GALNT13: variants seen among roughly 807,000 people sequenced by gnomAD.
GALNT13 encodes the protein UDP-GalNAc:polypeptide N-acetylgalactosaminyltransferase 13.
GALNT13 carries 28 observed loss-of-function variants against 64.2 expected under a neutral mutation model. That is an observed-to-expected ratio of 0.44 (90% CI 0.32 to 0.60). The LOEUF (loss-of-function observed/expected upper bound fraction) is 0.60, where lower values mean the gene tolerates loss of function less well. GALNT13 is among the 20% of genes least tolerant of loss of function. The pLI is 0.05. For synonymous variants in GALNT13, 214 were observed against 224.6 expected, an observed-to-expected ratio of 0.95 and a Z score of 0.42; for missense variants, 577 against 669.8, an observed-to-expected ratio of 0.86 and a Z score of 1.53.
the GALNT13 span, among the ~76,000 whole-genome samples, chr2:153,747,581 C>T: frequency 6.6e-6 from 1 of 152,028 alleles, no homozygotes; most frequent in East Asian, 1.9e-4. Context: ...GTGCACGCCA[C>T]CATGCCCAGC....
the GALNT13 span, among the ~76,000 whole-genome samples, chr2:153,802,489 T>C: frequency 2.1e-4 from 32 of 152,318 alleles, no homozygotes; most frequent in East Asian, 1.5e-3. Flanking sequence ...TCTTGCAAAC[T>C]TTATAGTAGA....
Position 154,245,806 on chromosome 2 carries a change from C to G in GALNT13, c.687-6C>G. 1 of 1,579,542 alleles carries G rather than the reference C, an allele frequency of 6.3e-7. No homozygotes were observed. On this transcript the variant is annotated splice_region_variant and splice_polypyrimidine_tract_variant and intron_variant, in intron 6 of 12. Coordinates refer to ENST00000392825, the MANE Select transcript of GALNT13 (RefSeq NM_052917.4). ...TGTCTATAAATTGGTTTTAATTTCT[C>G]TGCAGGAAAACGGTTGTCTGCCCTA... is the stretch of plus-strand genomic sequence containing the variant.
At chr2:154,258,658 G>C (rs1690516126) in intron 7 of GALNT13, among the ~76,000 whole-genome samples, 1 of 151,768 alleles carries the variant, frequency 6.6e-6, no homozygotes, top group South Asian at 2.1e-4. Flanking sequence ...TGTGACCTAA[G>C]TTGACACCTG....
At chr2:153,405,314 G>T in the GALNT13 span, among the ~76,000 whole-genome samples, 1 of 152,166 alleles carries the variant, frequency 6.6e-6, no homozygotes, top group African/African-American at 2.4e-5. Context: ...TGTAAAACTG[G>T]CACCAGGACT....
intron 9 of GALNT13, among the ~76,000 whole-genome samples, chr2:154,362,125 AACTGGTGGC>A (rs11278524): frequency 0.65 from 97,590 of 151,244 alleles, 31,937 homozygotes; most frequent in East Asian, 0.76. Context: ...TGTCCACAGG[AACTGGTGGC>A]ACCCTATTTT....
chr2:154,329,030 A>G (rs1461961456), intron 9 of GALNT13, among the ~76,000 whole-genome samples: 1 of 152,062 alleles, frequency 6.6e-6, no homozygotes, highest in East Asian at 1.9e-4. Flanking sequence ...AAGGTATTCT[A>G]TATACTTTGT....
chr2:153,974,901 G>C (rs118109837), intron 3 of GALNT13, among the ~76,000 whole-genome samples: 1 of 152,126 alleles, frequency 6.6e-6, no homozygotes, highest in East Asian at 1.9e-4. Context: ...AAATAGTCTA[G>C]AGGAAGGAAA....
chr2:153,257,685 G>T, the GALNT13 span, among the ~76,000 whole-genome samples: 1 of 152,152 alleles, frequency 6.6e-6, no homozygotes, highest in Non-Finnish European at 1.5e-5. Context: ...ATACTGCTAT[G>T]AATAAAATTT....
chr2:153,374,349 T>A, the GALNT13 span, among the ~76,000 whole-genome samples: 3 of 152,300 alleles, frequency 2.0e-5, no homozygotes, highest in African/African-American at 7.2e-5. Context: ...ATGTTGAGCA[T>A]CTTTTCATGT....
the GALNT13 span, among the ~76,000 whole-genome samples, chr2:153,842,886 C>T: frequency 2.6e-5 from 4 of 152,060 alleles, no homozygotes; most frequent in African/African-American, 7.2e-5. Context: ...TATCAAGAAA[C>T]TGGCCCATAT....
At chr2:153,564,016 T>C in the GALNT13 span, among the ~76,000 whole-genome samples, 3 of 152,118 alleles carry the variant, frequency 2.0e-5, no homozygotes, top group Non-Finnish European at 4.4e-5. Flanking sequence ...GGGTTACTTA[T>C]GGTTTCTGGA....
chr2:153,550,075 T>C, the GALNT13 span, among the ~76,000 whole-genome samples: 1 of 152,078 alleles, frequency 6.6e-6, no homozygotes, highest in African/African-American at 2.4e-5. Context: ...GACATGGAGG[T>C]CATTCCTTTC....
At chr2:153,294,874 T>C in the GALNT13 span, among the ~76,000 whole-genome samples, 3 of 152,036 alleles carry the variant, frequency 2.0e-5, no homozygotes, top group African/African-American at 7.2e-5. Flanking sequence ...AAGAAAAAAG[T>C]TTTTTCACTG....
rs532488306 is a variant in GALNT13, at chr2:154,100,850, T to A, written c.143-39487T>A. Among the ~76,000 whole-genome samples, 6 of 152,232 alleles carry A rather than the reference T, an allele frequency of 3.9e-5. No homozygotes were observed. The South Asian group carries it at 1.2e-3, about 32-fold the overall frequency. On this transcript the variant is annotated intron_variant, in intron 3 of 12. Coordinates refer to ENST00000392825, the MANE Select transcript of GALNT13 (RefSeq NM_052917.4). ...ATACTGGCTGTGGGTTTGTGATACA[T>A]GGCTGCTAATATTTTGAGGTATTTT...
the GALNT13 span, among the ~76,000 whole-genome samples, chr2:153,394,635 A>C: frequency 0.073 from 11,060 of 152,132 alleles, 1,341 homozygotes; most frequent in African/African-American, 0.25. Flanking sequence ...CAGCCTGAGG[A>C]CTGTTCAGAA....
At chr2:153,483,362 G>T in the GALNT13 span, among the ~76,000 whole-genome samples, 3 of 149,884 alleles carry the variant, frequency 2.0e-5, no homozygotes, top group Admixed American at 6.7e-5. Flanking sequence ...ACAAACTGTG[G>T]TATTTACATA....
At chr2:153,629,833 C>T in the GALNT13 span, among the ~76,000 whole-genome samples, 2 of 146,892 alleles carry the variant, frequency 1.4e-5, no homozygotes, top group African/African-American at 2.6e-5. Flanking sequence ...AAAAAGTGGG[C>T]GAGGGACATG....
At chr2:153,277,237 A>G in the GALNT13 span, among the ~76,000 whole-genome samples, 1 of 152,068 alleles carries the variant, frequency 6.6e-6, no homozygotes, top group South Asian at 2.1e-4. Context: ...GCCAGTGTCT[A>G]TTACTCTCAT....
At position 154,335,139 on chromosome 2, in the gene GALNT13, G is replaced by A. The variant is rs1695367755; in HGVS notation, c.1156+33550G>A. 2.0e-5 allele frequency among the ~76,000 whole-genome samples: 3 copies of A among 151,722 alleles called. No homozygotes were observed. The South Asian group carries it at 6.2e-4, about 32-fold the overall frequency. ...TCATTCTACACCCTACTTTTCAACT[G>A]CATCCTAATTGTTTATTTACTTGTC... On this transcript the variant is annotated intron_variant, in intron 9 of 12. Transcript: ENST00000392825.
Sources: allele counts gnomAD v4.1 joint callset (sites outside exome capture counted in the v4.1 genomes callset), GRCh38; gene constraint gnomAD v4.1.1; transcripts MANE v1.5; gene names NCBI Gene and HGNC (gene_info 2026-07-23, HGNC 2026-07-21).